The following CCDC38 variants were observed in gnomAD, a reference collection of about 807,000 sequenced individuals.
CCDC38 encodes the protein coiled-coil domain-containing protein 38.
CCDC38 carries 69 observed loss-of-function variants against 72.8 expected under a neutral mutation model. That is an observed-to-expected ratio of 0.95 (90% confidence interval 0.78 to 1.16). CCDC38 has a LOEUF of 1.16. Among genes scored for constraint, CCDC38 ranks in the 50% most tolerant of loss-of-function variants. The pLI, the probability that CCDC38 is intolerant of heterozygous loss-of-function variation, is 0.00. For missense variants in CCDC38, 626 were observed against 638.9 expected, an observed-to-expected ratio of 0.98 and a Z score of 0.22; for synonymous variants, 201 against 213.2, an observed-to-expected ratio of 0.94 and a Z score of 0.50.
In CCDC38 at chr12:95,868,679, G is replaced by A. The variant is rs534390129; in HGVS notation, c.1578+801C>T. Among the ~76,000 whole-genome samples the A allele has an allele frequency of 1.3e-4, 20 of 152,270 alleles. No individual in the cohort carries two copies. In the South Asian group the frequency reaches 3.7e-3, roughly 28 times the overall value. ...TAGCTTTGCAGATAACCATGAAATT[G>A]TCTTTCTGGAACATATTTCAGATGC... On this transcript the variant is annotated intron_variant, in intron 15 of 15. Coordinates refer to ENST00000344280, the MANE Select transcript of CCDC38 (RefSeq NM_182496.3).
chr12:95,906,982 G>A (rs1218462241), intron 4 of CCDC38, among the ~76,000 whole-genome samples: 2 of 151,244 alleles, frequency 1.3e-5, no homozygotes, highest in Admixed American at 6.6e-5. Context: ...CTTCCGCAGC[G>A]TTTGTGTCCC....
chr12:95,931,603 C>T (rs1271263091), intron 2 of CCDC38, among the ~76,000 whole-genome samples: 1 of 152,188 alleles, frequency 6.6e-6, no homozygotes, highest in African/African-American at 2.4e-5. Context: ...CAACAAATAC[C>T]AATGAAGCCT....
intron 5 of CCDC38, among the ~76,000 whole-genome samples, chr12:95,901,937 T>C (rs748106694): frequency 1.3e-5 from 2 of 152,110 alleles, no homozygotes; most frequent in Non-Finnish European, 2.9e-5. Flanking sequence ...GAAGATGGTA[T>C]GTAATGTGAT....
intron 2 of CCDC38, among the ~76,000 whole-genome samples, chr12:95,920,104 G>A (rs913346053): frequency 5.3e-5 from 8 of 152,110 alleles, no homozygotes; most frequent in Non-Finnish European, 7.4e-5. Flanking sequence ...ATATGGATTG[G>A]CTGTGTCCTC....
chr12:95,923,606 T>G (rs2080233460), intron 2 of CCDC38, among the ~76,000 whole-genome samples: 2 of 152,164 alleles, frequency 1.3e-5, no homozygotes, highest in South Asian at 4.1e-4. Flanking sequence ...GTTAGTTACA[T>G]ATGTATACAT....
Position 95,879,833 on chromosome 12 carries a change from A to G in CCDC38, c.991-38T>C, listed in dbSNP as rs1016044562. 9 of 1,491,574 alleles carry G rather than the reference A, an allele frequency of 6.0e-6. No individual in the cohort carries two copies. Among genetic ancestry groups the G allele is most frequent in the Non-Finnish European group, 7.3e-6 (8 of 1,093,204 alleles). 92.4% of individuals were successfully genotyped at this position (1,491,574 alleles called of 1,614,324 possible). On this transcript the variant is annotated intron_variant, in intron 11 of 15. Coordinates refer to ENST00000344280, the MANE Select transcript of CCDC38 (RefSeq NM_182496.3). This position sits in a 1 kb window ranked among gnomAD's most constrained non-coding sequence, Gnocchi z 5.5. ...TAATGAAGAATATAATTTACTTAAA[A>G]ATATGCTACCTATGCACATGTGACT... is the stretch of plus-strand genomic sequence containing the variant.
In CCDC38 at chr12:95,878,229, T is replaced by C. The variant is rs2079656353; in HGVS notation, c.1260A>G (p.Glu420=). 2 of 1,613,434 alleles carry C rather than the reference T, an allele frequency of 1.2e-6. No homozygotes were observed. Residue 420 remains glutamate, a synonymous_variant, in exon 13 of 16, where the codon GAA becomes GAG. Transcript: ENST00000344280. ...GATTTACCTGAGCATCTGAATTAAA[T>C]TCTCCAAAGCTAAAGAGCTTGGACT... The part of the protein sequence containing the change: ...QLKSKLFSFG[E]FNSDAQEILI...
At chr12:95,898,760 A>C (rs2079920467) in intron 5 of CCDC38, 29 bp from the exon 6 acceptor site, 1 of 1,598,794 alleles carries the variant, frequency 6.3e-7, no homozygotes, top group East Asian at 2.2e-5. Context: ...GAGGTGTAAA[A>C]ACATGATTCC....
At chr12:95,894,730 A>T (rs1190331573) in intron 8 of CCDC38, among the ~76,000 whole-genome samples, 1 of 152,186 alleles carries the variant, frequency 6.6e-6, no homozygotes, top group Admixed American at 6.5e-5. Flanking sequence ...AGCCAGCAGA[A>T]CTGTGAGCCA....
At chr12:95,927,924 G>A (rs1233416972) in intron 2 of CCDC38, among the ~76,000 whole-genome samples, 1 of 150,074 alleles carries the variant, frequency 6.7e-6, no homozygotes, top group Admixed American at 6.7e-5. Flanking sequence ...AGTCTGATGG[G>A]CTTCCCTTTG....
chr12:95,942,009 C>T (rs776604827), intron 1 of CCDC38, among the ~76,000 whole-genome samples: 1 of 151,910 alleles, frequency 6.6e-6, no homozygotes, highest in Non-Finnish European at 1.5e-5. Context: ...GGAGTGTTTG[C>T]TTTCTGTTCC....
intron 4 of CCDC38, among the ~76,000 whole-genome samples, chr12:95,916,155 C>T (rs1056629038): frequency 6.6e-6 from 1 of 152,160 alleles, no homozygotes; most frequent in Non-Finnish European, 1.5e-5. Context: ...TGGTACAGTC[C>T]CTGGCATCAC....
intron 4 of CCDC38, among the ~76,000 whole-genome samples, chr12:95,908,161 G>A (rs1196513036): frequency 8.6e-5 from 13 of 151,796 alleles, no homozygotes. Flanking sequence ...CTGCACTCCA[G>A]CCTGGGCACC....
At chr12:95,891,895 G>A (rs1162874150) in intron 8 of CCDC38, among the ~76,000 whole-genome samples, 2 of 152,070 alleles carry the variant, frequency 1.3e-5, no homozygotes, top group Non-Finnish European at 2.9e-5. Flanking sequence ...AATTCCCCCT[G>A]ATTTGTAGTT....
In CCDC38 at chr12:95,868,029, G is replaced by C. The variant is rs2079541712; in HGVS notation, c.1579-840C>G. Among the ~76,000 whole-genome samples the C allele has an allele frequency of 2.0e-5, 3 of 152,154 alleles. No individual in the cohort carries two copies. The South Asian group carries it at 6.2e-4, about 31-fold the overall frequency. ...CAACAAAAATATCCTTGGGGGACTA[G>C]AATTTTTGAATTCCTTCTGCAATAT... On this transcript the variant is annotated intron_variant, in intron 15 of 15. Transcript: ENST00000344280.
In CCDC38 at chr12:95,903,084, T is replaced by C. The variant is rs541875572; in HGVS notation, c.369+3303A>G. On this transcript the variant is annotated intron_variant, in intron 5 of 15. Coordinates refer to ENST00000344280, the MANE Select transcript of CCDC38 (RefSeq NM_182496.3). ...GTCTTTAATTTTTCTCTGCAATGTC[T>C]TGTAGTTTTCAGTGTACATCTATTG... is the stretch of plus-strand genomic sequence containing the variant. Among the ~76,000 whole-genome samples the C allele has an allele frequency of 5.9e-5, 9 of 152,314 alleles. No individual in the cohort carries two copies. The South Asian group carries it at 1.4e-3, about 25-fold the overall frequency.
At chr12:95,904,998 C>T (rs1007697300) in intron 5 of CCDC38, among the ~76,000 whole-genome samples, 2 of 152,158 alleles carry the variant, frequency 1.3e-5, no homozygotes, top group Non-Finnish European at 2.9e-5. Flanking sequence ...GGACACCAAA[C>T]TTTGTGGATG....
rs1164739102 is a variant in CCDC38, at chr12:95,872,368, T to C, written c.1371A>G (p.Gln457=). ...GGCGAGATTCTACTTTTACCAGCTT[T>C]TGAATTGGGTTGAGGCCGTCATCCT... ...DAEDDGLNPI[Q]KLVKVESRLV... The change falls in exon 14 of 16, where the codon CAA becomes CAG. Residue 457 remains glutamine (Q), a synonymous_variant. Transcript: ENST00000344280. 6.2e-7 allele frequency: 1 copy of C among 1,614,174 alleles called. No individual in the cohort carries two copies. The highest frequency in any genetic ancestry group is 8.5e-7 in the Non-Finnish European group (1 of 1,180,020).
chr12:95,940,671 G>A (rs1345575671), intron 1 of CCDC38, among the ~76,000 whole-genome samples: 1 of 152,084 alleles, frequency 6.6e-6, no homozygotes, highest in African/African-American at 2.4e-5. Flanking sequence ...ATCACAGTTA[G>A]CAATTTTTTG....
Sources: allele counts gnomAD v4.1 joint callset (sites outside exome capture counted in the v4.1 genomes callset), GRCh38; gene constraint gnomAD v4.1.1; non-coding constraint Gnocchi (gnomAD v3.1); transcripts MANE v1.5; gene names NCBI Gene and HGNC (gene_info 2026-07-23, HGNC 2026-07-21).